Variants in SENP7 observed in about 807,000 individuals in gnomAD.
SENP7 encodes the protein SUMO specific peptidase 7.
Under a neutral mutation model 141.2 loss-of-function variants are expected in SENP7, and 64 were observed. That is an observed-to-expected ratio of 0.45 (90% confidence interval 0.37 to 0.56). SENP7 has a LOEUF of 0.56. SENP7 is among the 20% of genes least tolerant of loss of function. SENP7 has a pLI of 0.00. For synonymous variants in SENP7, 382 were observed against 426.4 expected, an observed-to-expected ratio of 0.90 and a Z score of 1.28; for missense variants, 1,025 against 1,212.2, an observed-to-expected ratio of 0.85 and a Z score of 2.29.
At chr3:101,331,756 T>TA (rs370305922) in intron 19 of SENP7, among the ~76,000 whole-genome samples, 204 of 152,230 alleles carry the variant, frequency 1.3e-3, no homozygotes, top group African/African-American at 4.7e-3. Context: ...AAATATTTCA[T>TA]AAGATCAATA....
intron 4 of SENP7, chr3:101,457,250 C>T (rs2063382991): frequency 1.3e-6 from 2 of 1,584,834 alleles, no homozygotes; most frequent in South Asian, 2.2e-5. Flanking sequence ...TTCAGTTTGC[C>T]TCATTCTTGG....
At chr3:101,457,207 T>C in intron 4 of SENP7, 1 of 1,483,114 alleles carries the variant, frequency 6.7e-7, no homozygotes, top group East Asian at 2.3e-5. Context: ...TCCCAGTAAC[T>C]TCTTCAAGTT....
At chr3:101,337,940 G>A (rs1342743091) in intron 16 of SENP7, among the ~76,000 whole-genome samples, 1 of 152,044 alleles carries the variant, frequency 6.6e-6, no homozygotes, top group African/African-American at 2.4e-5. Context: ...AGATCACGAG[G>A]TCAAGAGATC....
intron 15 of SENP7, among the ~76,000 whole-genome samples, chr3:101,340,651 T>C (rs1009829354): frequency 2.6e-5 from 4 of 152,188 alleles, no homozygotes; most frequent in Non-Finnish European, 5.9e-5. Flanking sequence ...CAGTCAAAAA[T>C]TGTGCTCTGC....
At chr3:101,503,750 A>T (rs769992162) in intron 1 of SENP7, among the ~76,000 whole-genome samples, 45 of 152,104 alleles carry the variant, frequency 3.0e-4, no homozygotes, top group Non-Finnish European at 6.2e-4. Context: ...GTTTGAGAAC[A>T]GCCTGGGCAA....
chr3:101,435,814 G>C (rs1264410338), intron 4 of SENP7, among the ~76,000 whole-genome samples: 2 of 152,020 alleles, frequency 1.3e-5, no homozygotes, highest in Non-Finnish European at 2.9e-5. Flanking sequence ...TTCATAGATT[G>C]AAAGAATCAA....
chr3:101,384,922 T>G (rs1018556898), intron 6 of SENP7, among the ~76,000 whole-genome samples: 1 of 152,222 alleles, frequency 6.6e-6, no homozygotes, highest in South Asian at 2.1e-4. Context: ...TAAACCTCAT[T>G]TCTTACATAC....
intron 13 of SENP7, among the ~76,000 whole-genome samples, chr3:101,347,141 G>A (rs1559698049): frequency 1.3e-5 from 2 of 152,018 alleles, no homozygotes; most frequent in Admixed American, 1.3e-4. Context: ...AGGATCACAT[G>A]AGCCCAGGAG....
At chr3:101,509,781 A>G (rs1051031969) in intron 1 of SENP7, among the ~76,000 whole-genome samples, 1 of 152,232 alleles carries the variant, frequency 6.6e-6, no homozygotes, top group African/African-American at 2.4e-5. Flanking sequence ...AATGAAGTTA[A>G]AACTATAGAT....
chr3:101,424,807 T>C (rs771174050), intron 4 of SENP7, among the ~76,000 whole-genome samples: 3 of 152,118 alleles, frequency 2.0e-5, no homozygotes, highest in Non-Finnish European at 2.9e-5. Context: ...CCAACAGACA[T>C]GCACTAGGCC....
intron 3 of SENP7, among the ~76,000 whole-genome samples, chr3:101,486,133 A>AAAC (rs1157604476): frequency 6.6e-6 from 1 of 152,214 alleles, no homozygotes; most frequent in African/African-American, 2.4e-5. Flanking sequence ...CAAACATAAG[A>AAAC]ATAATCAGTG....
At chr3:101,354,770 G>A (rs909363397) in intron 11 of SENP7, among the ~76,000 whole-genome samples, 3 of 152,196 alleles carry the variant, frequency 2.0e-5, no homozygotes, top group African/African-American at 7.2e-5. Flanking sequence ...GGGATTGCTG[G>A]GTTGAATGGT....
At chr3:101,357,430 A>G (rs555340669) in intron 11 of SENP7, 3 of 939,532 alleles carry the variant, frequency 3.2e-6, no homozygotes, top group Non-Finnish European at 4.9e-6. Flanking sequence ...AAGGGAAAAA[A>G]CCTTTGACTA....
intron 11 of SENP7, chr3:101,357,617 A>G: frequency 1.1e-6 from 1 of 909,728 alleles, no homozygotes; most frequent in Non-Finnish European, 1.8e-6. Context: ...GGATGAGTGT[A>G]AGGTGCACAA....
At chr3:101,463,398 C>CACATATAT (rs1474275757) in intron 3 of SENP7, among the ~76,000 whole-genome samples, 154 of 58,602 alleles carry the variant, frequency 2.6e-3, no homozygotes, top group African/African-American at 8.5e-3. Context: ...TATATATATA[C>CACATATAT]ATATATATAT....
At chr3:101,431,863 A>G (rs2062190927) in intron 4 of SENP7, among the ~76,000 whole-genome samples, 1 of 125,866 alleles carries the variant, frequency 7.9e-6, no homozygotes, top group African/African-American at 2.7e-5. Flanking sequence ...CAACTGGCCA[A>G]ATACTAAAGA....
chr3:101,352,017 A>C (rs2059626156), intron 11 of SENP7, among the ~76,000 whole-genome samples: 1 of 152,000 alleles, frequency 6.6e-6, no homozygotes, highest in Non-Finnish European at 1.5e-5. Flanking sequence ...ACAGAGTTTC[A>C]TTTTTGGCTT....
chr3:101,499,160 A>C (rs1466866737), intron 2 of SENP7, among the ~76,000 whole-genome samples: 1 of 152,232 alleles, frequency 6.6e-6, no homozygotes, highest in African/African-American at 2.4e-5. Context: ...AAAGTTTAAG[A>C]AACACTGTAG....
At chr3:101,482,037 G>A (rs184525165) in intron 3 of SENP7, among the ~76,000 whole-genome samples, 533 of 152,176 alleles carry the variant, frequency 3.5e-3, no homozygotes, top group Non-Finnish European at 5.3e-3. Context: ...TTGGCCAGGC[G>A]CAGTGGCTCA....
Sources: gnomAD v4.1 joint callset for allele counts (sites outside exome capture counted in the v4.1 genomes callset) on GRCh38, gnomAD v4.1.1 for gene constraint, MANE v1.5 for transcripts, NCBI Gene and HGNC (gene_info 2026-07-23, HGNC 2026-07-21) for gene names.